Variants in PHF24 observed in about 807,000 individuals in gnomAD.
The protein encoded by PHF24 is PHD finger protein 24.
Under a neutral mutation model 42.6 loss-of-function variants are expected in PHF24, and 25 were observed. The ratio of observed to expected loss-of-function variants is 0.59; its 90% CI spans 0.43 to 0.82. PHF24 has a LOEUF of 0.82. PHF24 is among the 40% of genes least tolerant of loss of function. PHF24 has a pLI of 0.00. For missense variants in PHF24, 470 were observed against 538.1 expected (o/e 0.87, Z 1.25); for synonymous variants, 185 against 204.8 (o/e 0.90, Z 0.83).
the PHF24 span, chr9:34,894,574 G>A: frequency 2.5e-6 from 1 of 398,290 alleles, no homozygotes; most frequent in Non-Finnish European, 4.4e-6. Flanking sequence ...AGAAGCTGAA[G>A]GCCTTTTAAT....
the PHF24 span, chr9:34,725,719 A>C: frequency 1.3e-6 from 2 of 1,546,140 alleles, no homozygotes; most frequent in Admixed American, 3.9e-5. Flanking sequence ...CATTGATCTG[A>C]GCTCGTTGAT....
At chr9:34,714,489 A>G in the PHF24 span, among the ~76,000 whole-genome samples, 1 of 152,324 alleles carries the variant, frequency 6.6e-6, no homozygotes, top group East Asian at 1.9e-4. Context: ...CTTTTTAAAA[A>G]CAGAATTAGA....
At chr9:34,726,957 G>A in the PHF24 span, 93 of 1,550,636 alleles carry the variant, frequency 6.0e-5, no homozygotes, top group South Asian at 8.7e-4. Flanking sequence ...AGGATTCGCC[G>A]CACACTTCTC....
At chr9:34,845,535 A>G in the PHF24 span, among the ~76,000 whole-genome samples, 1 of 152,146 alleles carries the variant, frequency 6.6e-6, no homozygotes, top group Non-Finnish European at 1.5e-5. Flanking sequence ...GCTTACAAGA[A>G]TATGTTATGA....
the PHF24 span, chr9:34,689,857 G>A: frequency 6.2e-7 from 1 of 1,614,190 alleles, no homozygotes; most frequent in East Asian, 2.2e-5. This position sits in a 1 kb window ranked among gnomAD's most constrained non-coding sequence, Gnocchi z 4.1. Context: ...AGGAAGGAGA[G>A]GAAGGATCAT....
chr9:34,777,933 G>A, the PHF24 span, among the ~76,000 whole-genome samples: 1 of 152,234 alleles, frequency 6.6e-6, no homozygotes, highest in African/African-American at 2.4e-5. Context: ...ACTCTCCAGT[G>A]GCTAGGATTG....
At chr9:34,797,204 C>A in the PHF24 span, among the ~76,000 whole-genome samples, 1 of 152,160 alleles carries the variant, frequency 6.6e-6, no homozygotes, top group East Asian at 1.9e-4. Flanking sequence ...GGGGCTTTGA[C>A]CCCACGGCAG....
chr9:34,721,295 A>G, the PHF24 span, among the ~76,000 whole-genome samples: 1 of 152,054 alleles, frequency 6.6e-6, no homozygotes, highest in South Asian at 2.1e-4. Flanking sequence ...CTTTTTTGAA[A>G]AGCCATTTTG....
chr9:34,706,120 T>C, the PHF24 span, among the ~76,000 whole-genome samples: 2 of 152,196 alleles, frequency 1.3e-5, no homozygotes, highest in African/African-American at 2.4e-5. Flanking sequence ...ACTACTTTTG[T>C]CTGCAGAGAA....
At chr9:34,694,532 C>A in the PHF24 span, among the ~76,000 whole-genome samples, 2 of 152,280 alleles carry the variant, frequency 1.3e-5, no homozygotes, top group East Asian at 3.9e-4. Context: ...GGGGTTTCAT[C>A]ATGTTGGCCA....
the PHF24 span, among the ~76,000 whole-genome samples, chr9:34,942,666 G>A: frequency 6.6e-6 from 1 of 152,162 alleles, no homozygotes; most frequent in African/African-American, 2.4e-5. Context: ...GAATTGAAAA[G>A]AATGCCTTTG....
the PHF24 span, among the ~76,000 whole-genome samples, chr9:34,938,690 G>A: frequency 2.0e-5 from 3 of 152,086 alleles, no homozygotes; most frequent in Non-Finnish European, 2.9e-5. Flanking sequence ...AGCACTTTGG[G>A]AGGCCGAGGC....
chr9:34,719,678 C>T, the PHF24 span, among the ~76,000 whole-genome samples: 3 of 152,168 alleles, frequency 2.0e-5, no homozygotes, highest in Non-Finnish European at 4.4e-5. Flanking sequence ...CACCCTAAAC[C>T]AGGATGTATG....
chr9:34,888,085 G>A, the PHF24 span, among the ~76,000 whole-genome samples: 2 of 151,980 alleles, frequency 1.3e-5, no homozygotes, highest in Non-Finnish European at 2.9e-5. Flanking sequence ...CTCTGTTCAT[G>A]TTGTACTCTC....
chr9:34,913,645 C>T, the PHF24 span, among the ~76,000 whole-genome samples: 1 of 152,108 alleles, frequency 6.6e-6, no homozygotes, highest in Admixed American at 6.5e-5. Context: ...TTCAGCAAAC[C>T]CTGACACAGC....
upstream of PHF24, among the ~76,000 whole-genome samples, chr9:34,956,762 C>G (rs2132833409): frequency 6.6e-6 from 1 of 152,356 alleles, no homozygotes; most frequent in East Asian, 1.9e-4. Context: ...ATGGAAGGCT[C>G]AGTCTGCTTT....
At chr9:34,838,523 C>T in the PHF24 span, 4,932 of 1,314,260 alleles carry the variant, frequency 3.8e-3, 76 homozygotes, top group African/African-American at 0.046. Context: ...TGAGATCAGC[C>T]ATCCCTCTAT....
chr9:34,698,147 A>C, the PHF24 span, among the ~76,000 whole-genome samples: 1 of 151,928 alleles, frequency 6.6e-6, no homozygotes, highest in East Asian at 1.9e-4. Flanking sequence ...CTTGATTTTC[A>C]GATTATATTA....
At chr9:34,703,310 A>C in the PHF24 span, among the ~76,000 whole-genome samples, 1 of 152,028 alleles carries the variant, frequency 6.6e-6, no homozygotes, top group Non-Finnish European at 1.5e-5. Flanking sequence ...CTGGGATTAC[A>C]AGCACCCACC....
Sources: gnomAD v4.1 joint callset for allele counts (sites outside exome capture counted in the v4.1 genomes callset) on GRCh38, gnomAD v4.1.1 for gene constraint, Gnocchi (gnomAD v3.1) non-coding constraint, MANE v1.5 for transcripts, NCBI Gene and HGNC (gene_info 2026-07-23, HGNC 2026-07-21) for gene names.